Variants in NBAS observed in about 807,000 individuals in gnomAD.
NBAS encodes NAG/BC035112 fusion.
NBAS carries 219 observed loss-of-function variants against 302.5 expected under a neutral mutation model. The ratio of observed to expected loss-of-function variants is 0.72; its 90% CI spans 0.65 to 0.81. The LOEUF is 0.81. Among genes scored for constraint, NBAS ranks in the 30% least tolerant of loss-of-function variants. The pLI, the probability that NBAS is intolerant of heterozygous loss-of-function variation, is 0.00. For synonymous variants in NBAS, 1,118 were observed against 1,021.6 expected, an observed-to-expected ratio of 1.09 and a Z score of -1.80; for missense variants, 2,932 against 2,841.6, an observed-to-expected ratio of 1.03 and a Z score of -0.72.
downstream of NBAS, among the ~76,000 whole-genome samples, chr2:15,165,422 G>A (rs759949269): frequency 1.3e-5 from 2 of 152,188 alleles, no homozygotes; most frequent in Non-Finnish European, 2.9e-5. Context: ...TACTGAATTG[G>A]GAAAGGAACT....
chr2:14,785,349 A>T, the NBAS span, among the ~76,000 whole-genome samples: 1 of 152,070 alleles, frequency 6.6e-6, no homozygotes, highest in Admixed American at 6.6e-5. Flanking sequence ...AGAACTTCCA[A>T]CACTATGTTG....
intron 40 of NBAS, among the ~76,000 whole-genome samples, 191 bp downstream of exon 40, chr2:15,308,025 A>G (rs1158547354): frequency 6.6e-6 from 1 of 152,240 alleles, no homozygotes; most frequent in East Asian, 1.9e-4. Context: ...CACAATAAAT[A>G]TTAAACTCTA....
At chr2:15,540,207 G>A (rs931059237) in intron 6 of NBAS, among the ~76,000 whole-genome samples, 3 of 152,020 alleles carry the variant, frequency 2.0e-5, no homozygotes, top group African/African-American at 7.2e-5. Context: ...AAATGAGTAG[G>A]AGACTCAAGG....
At chr2:14,805,015 A>C in the NBAS span, among the ~76,000 whole-genome samples, 1 of 152,216 alleles carries the variant, frequency 6.6e-6, no homozygotes, top group Non-Finnish European at 1.5e-5. Flanking sequence ...TAGTTCATTC[A>C]TTCAAGAAAC....
the NBAS span, among the ~76,000 whole-genome samples, chr2:15,010,067 T>C: frequency 6.6e-6 from 1 of 152,176 alleles, no homozygotes; most frequent in East Asian, 1.9e-4. Flanking sequence ...TTTTAGACTT[T>C]CTTTATTACC....
At chr2:15,286,410 T>C (rs1449924470) in intron 42 of NBAS, among the ~76,000 whole-genome samples, 1 of 152,224 alleles carries the variant, frequency 6.6e-6, no homozygotes, top group Non-Finnish European at 1.5e-5. Context: ...CTATTTATTA[T>C]TCTTAGGAAG....
At chr2:14,929,443 T>A in the NBAS span, among the ~76,000 whole-genome samples, 2 of 152,214 alleles carry the variant, frequency 1.3e-5, no homozygotes, top group South Asian at 4.1e-4. Context: ...AGTGGTGCAA[T>A]CTCGGCTCAC....
the NBAS span, among the ~76,000 whole-genome samples, chr2:14,783,551 A>G: frequency 7.9e-5 from 11 of 138,740 alleles, no homozygotes; most frequent in African/African-American, 2.9e-4. Context: ...ATTCCCACCT[A>G]TGAGTGAGAA....
chr2:15,309,158 A>G lies in NBAS; in HGVS notation c.4659+13T>C. 6.2e-7 allele frequency: 1 copy of G among 1,605,920 alleles called. No homozygotes were observed. Among genetic ancestry groups the G allele is most frequent in the Non-Finnish European group, 8.5e-7 (1 of 1,173,856 alleles). Reference sequence around the variant, plus strand: ...AGTCATTTTAAATTCTTCATTGGTAAGGGCAAACTTACTTGTGGTAAGGCA... The same window carrying G: ...AGTCATTTTAAATTCTTCATTGGTAGGGGCAAACTTACTTGTGGTAAGGCA... On this transcript the variant is annotated intron_variant, in intron 39 of 51. Coordinates refer to ENST00000281513, the MANE Select transcript of NBAS (RefSeq NM_015909.4).
At chr2:15,331,195 G>C (rs1305046198) in intron 35 of NBAS, among the ~76,000 whole-genome samples, 1 of 152,088 alleles carries the variant, frequency 6.6e-6, no homozygotes, top group Non-Finnish European at 1.5e-5. Flanking sequence ...GAAAGAAGTA[G>C]AACATTCAGA....
At chr2:15,387,431 A>G (rs1160985711) in intron 28 of NBAS, among the ~76,000 whole-genome samples, 1 of 152,148 alleles carries the variant, frequency 6.6e-6, no homozygotes, top group African/African-American at 2.4e-5. Context: ...AACTTAGCAA[A>G]ATTTCTAATT....
At chr2:14,835,386 T>C in the NBAS span, among the ~76,000 whole-genome samples, 5 of 152,002 alleles carry the variant, frequency 3.3e-5, no homozygotes, top group Admixed American at 1.3e-4. Context: ...TATTATAAAT[T>C]AAACATGTAT....
chr2:15,447,897 G>C (rs1272262628), intron 21 of NBAS, among the ~76,000 whole-genome samples: 1 of 152,260 alleles, frequency 6.6e-6, no homozygotes, highest in African/African-American at 2.4e-5. Context: ...CAAAATCAAG[G>C]GTTTGGTTTC....
At chr2:14,855,059 G>C in the NBAS span, among the ~76,000 whole-genome samples, 1 of 151,906 alleles carries the variant, frequency 6.6e-6, no homozygotes, top group African/African-American at 2.4e-5. Context: ...TGAGAACTTT[G>C]TCTTGTATCC....
chr2:15,318,716 T>C (rs1013739665), intron 38 of NBAS, among the ~76,000 whole-genome samples: 2 of 152,272 alleles, frequency 1.3e-5, no homozygotes, highest in East Asian at 3.9e-4. Flanking sequence ...TAAATATATA[T>C]GCACCCAATA....
chr2:14,974,235 A>G, the NBAS span, among the ~76,000 whole-genome samples: 4 of 152,222 alleles, frequency 2.6e-5, no homozygotes, highest in Non-Finnish European at 4.4e-5. Context: ...TGAATTATCT[A>G]GGAAAGAACA....
At chr2:14,799,634 G>A in the NBAS span, among the ~76,000 whole-genome samples, 1 of 152,010 alleles carries the variant, frequency 6.6e-6, no homozygotes, top group Admixed American at 6.6e-5. Context: ...TCTATCTACT[G>A]GTTCCATCTA....
chr2:15,516,945 C>A (rs2148656484), intron 9 of NBAS, among the ~76,000 whole-genome samples: 1 of 152,208 alleles, frequency 6.6e-6, no homozygotes, highest in East Asian at 1.9e-4. Context: ...TGTTTAGGGG[C>A]CTAGTAACTC....
chr2:15,048,470 T>G, the NBAS span, among the ~76,000 whole-genome samples: 1 of 152,216 alleles, frequency 6.6e-6, no homozygotes, highest in South Asian at 2.1e-4. Flanking sequence ...TTGTTTCCGG[T>G]CCCAGGAAGT....
Sources: allele counts gnomAD v4.1 joint callset (sites outside exome capture counted in the v4.1 genomes callset), GRCh38; gene constraint gnomAD v4.1.1; transcripts MANE v1.5; gene names NCBI Gene and HGNC (gene_info 2026-07-23, HGNC 2026-07-21).